Variants in ANO3 observed in about 807,000 individuals in gnomAD.
The protein encoded by ANO3 is anoctamin 3, also known as anoctamin-3.
In ANO3, 99 loss-of-function variants were observed where a neutral mutation model predicts 144.8. That is an observed-to-expected ratio of 0.68 (90% CI 0.58 to 0.81). The LOEUF is 0.81. Ranked by LOEUF, ANO3 falls within the 30% of genes least tolerant of loss-of-function variation. The pLI is 0.00. For missense variants in ANO3, 905 were observed against 1,202.2 expected, an observed-to-expected ratio of 0.75 and a Z score of 3.66; for synonymous variants, 414 against 392.6, an observed-to-expected ratio of 1.05 and a Z score of -0.64.
chr11:26,214,859 C>T (rs1173626803), intron 1 of ANO3, among the ~76,000 whole-genome samples: 1 of 151,868 alleles, frequency 6.6e-6, no homozygotes, highest in Non-Finnish European at 1.5e-5. Flanking sequence ...ATTCTCTTGG[C>T]CTTAACAGGT....
At chr11:26,281,900 A>T (rs939172678) in intron 1 of ANO3, among the ~76,000 whole-genome samples, 1 of 152,146 alleles carries the variant, frequency 6.6e-6, no homozygotes, top group African/African-American at 2.4e-5. Context: ...CCAACCCAGC[A>T]CATGTGCATA....
At chr11:26,250,524 C>A (rs1278331533) in intron 1 of ANO3, among the ~76,000 whole-genome samples, 1 of 152,034 alleles carries the variant, frequency 6.6e-6, no homozygotes, top group Non-Finnish European at 1.5e-5. Flanking sequence ...GTCAGTGAGC[C>A]GATTTTATGC....
Position 26,508,368 on chromosome 11 carries a change from A to T in ANO3, c.591+106A>T, listed in dbSNP as rs1052648401. ...TGTATCACATGACTTTATAAAATAC[A>T]TAGTTTTTTTCTAACAAATGTTAAA... On this transcript the variant is annotated intron_variant, in intron 5 of 26. Coordinates refer to ENST00000256737, the MANE Select transcript of ANO3 (RefSeq NM_031418.4). 1.4e-5 allele frequency: 14 copies of T among 1,033,510 alleles called. No individual in the cohort carries two copies. The African/African-American group carries it at 2.3e-4, about 17-fold the overall frequency. The allele number at this position is 1,033,510 out of a possible 1,614,324, so 64.0% of individuals were successfully genotyped here. A position where few individuals can be genotyped will look rare whatever the true frequency, so the allele number is the denominator to read the frequency against.
Position 26,615,410 on chromosome 11 carries a change from A to AT in ANO3, c.1837-9051dup, listed in dbSNP as rs1462717871. 8.0e-4 allele frequency among the ~76,000 whole-genome samples: 80 copies of AT among 99,840 alleles called. No individual in the cohort carries two copies. The East Asian group carries it at 0.011, about 14-fold the overall frequency. The allele number at this position is 99,840 out of a possible 152,430, so 65.5% of individuals were successfully genotyped here. On this transcript the variant is annotated intron_variant, in intron 17 of 26. Transcript: ENST00000256737. ...TCTGTCAGTTTATATATATATATAT[A>AT]TATATTTTTTTTTTTTCAGTTCCTC...
chr11:26,512,276 A>G (rs1283124322), intron 5 of ANO3, among the ~76,000 whole-genome samples: 14 of 152,176 alleles, frequency 9.2e-5, no homozygotes, highest in Admixed American at 9.2e-4. Flanking sequence ...CCTTCTCTCA[A>G]GAGTGAATCT....
At chr11:26,458,625 A>T (rs1859255788) in intron 3 of ANO3, among the ~76,000 whole-genome samples, 1 of 152,180 alleles carries the variant, frequency 6.6e-6, no homozygotes, top group East Asian at 1.9e-4. Flanking sequence ...GTACATTGCC[A>T]GTCTGCAAAG....
chr11:26,586,951 G>A (rs577963048), intron 14 of ANO3, among the ~76,000 whole-genome samples: 8 of 152,220 alleles, frequency 5.3e-5, no homozygotes, highest in South Asian at 2.1e-4. Context: ...TCATAGATTC[G>A]TAGAGTTTTT....
At chr11:26,405,952 T>C (rs1327228028) in intron 1 of ANO3, among the ~76,000 whole-genome samples, 3 of 151,876 alleles carry the variant, frequency 2.0e-5, no homozygotes, top group Admixed American at 2.0e-4. Context: ...CTAAGCATTG[T>C]GTTTCCAGTG....
In ANO3 at chr11:26,248,197, G is replaced by A. The variant is rs977985731; in HGVS notation, c.154+58867G>A. ...TACTAAAAATACAAAAATTAACCAG[G>A]TGTGGTGGCACATGCCTGCAGTTCC... On this transcript the variant is annotated intron_variant, in intron 1 of 27. Coordinates refer to the ANO3 transcript ENST00000672621. Among the ~76,000 whole-genome samples, 7 of 152,020 alleles carry A rather than the reference G, an allele frequency of 4.6e-5. No individual in the cohort carries two copies. In the South Asian group the frequency reaches 1.2e-3, roughly 27 times the overall value.
intron 1 of ANO3, among the ~76,000 whole-genome samples, chr11:26,253,318 C>T (rs1042966452): frequency 1.3e-5 from 2 of 152,056 alleles, no homozygotes; most frequent in Non-Finnish European, 2.9e-5. Context: ...AATCGAATAC[C>T]ACAGGTTATC....
chr11:26,658,194 A>G (rs1005867224), intron 26 of ANO3, among the ~76,000 whole-genome samples: 1 of 152,164 alleles, frequency 6.6e-6, no homozygotes, highest in Middle Eastern at 3.2e-3. Flanking sequence ...TCCACCATTT[A>G]TTGAAGAGAC....
At chr11:26,649,800 G>T (rs1338373030) in intron 24 of ANO3, among the ~76,000 whole-genome samples, 3 of 151,932 alleles carry the variant, frequency 2.0e-5, no homozygotes, top group African/African-American at 7.2e-5. Context: ...AAGATCTTAT[G>T]AACTCTAAAG....
At chr11:26,376,318 C>G (rs1287743244) in intron 1 of ANO3, among the ~76,000 whole-genome samples, 2 of 152,026 alleles carry the variant, frequency 1.3e-5, no homozygotes, top group South Asian at 4.1e-4. Flanking sequence ...CCCATTAATA[C>G]AAAATTGATT....
In ANO3 at chr11:26,599,607, G is replaced by T; in HGVS notation, c.1729G>T (p.Glu577Ter). ...TGTGGTGTACCGCCTGGTTGTCATGGAACAGTTTGCATCATTCAAGTGGAA... is the reference window on the plus strand; with the variant it reads ...TGTGGTGTACCGCCTGGTTGTCATGTAACAGTTTGCATCATTCAAGTGGAA... Reference protein sequence around the residue: ...GVVVYRLVVMEQFASFKWNFI... With the variant: ...GVVVYRLVVM The change falls in exon 17 of 27, where the codon GAA (glutamate) becomes TAA (stop). Residue 577 changes from glutamate to a stop codon, truncating the protein, a stop_gained. Coordinates refer to ENST00000256737, the MANE Select transcript of ANO3 (RefSeq NM_031418.4). LOFTEE classifies it high-confidence loss of function. The T allele has an allele frequency of 6.2e-7, 1 of 1,614,130 alleles. No homozygotes were observed. Among genetic ancestry groups the T allele is most frequent in the Non-Finnish European group, 8.5e-7 (1 of 1,180,006 alleles).
chr11:26,509,105 C>A (rs28653131), intron 5 of ANO3, among the ~76,000 whole-genome samples: 18,380 of 147,506 alleles, frequency 0.12, 1,206 homozygotes, highest in East Asian at 0.22. Flanking sequence ...CTCTCTCTCT[C>A]TATATATATA....
intron 1 of ANO3, among the ~76,000 whole-genome samples, chr11:26,410,827 T>C (rs1044001121): frequency 6.6e-6 from 1 of 151,982 alleles, no homozygotes. Flanking sequence ...AGGAATGACA[T>C]GCCATCCAGA....
intron 1 of ANO3, among the ~76,000 whole-genome samples, chr11:26,351,501 T>C (rs192463332): frequency 4.9e-4 from 74 of 152,316 alleles, no homozygotes; most frequent in Non-Finnish European, 8.2e-4. Context: ...TCTGTTTATT[T>C]AAAAAAGAAG....
intron 6 of ANO3, among the ~76,000 whole-genome samples, chr11:26,524,565 A>T (rs912432363): frequency 1.5e-4 from 23 of 152,206 alleles, no homozygotes; most frequent in African/African-American, 4.8e-4. Context: ...AATTTTAGTG[A>T]TGGGGATAAA....
intron 5 of ANO3, chr11:26,508,573 A>G: frequency 3.2e-6 from 1 of 315,684 alleles, no homozygotes; most frequent in Admixed American, 4.9e-5. Flanking sequence ...TTTTGAAAGA[A>G]AAGAATTTGC....
Sources: gnomAD v4.1 joint callset for allele counts (sites outside exome capture counted in the v4.1 genomes callset) on GRCh38, gnomAD v4.1.1 for gene constraint, MANE v1.5 for transcripts, NCBI Gene and HGNC (gene_info 2026-07-23, HGNC 2026-07-21) for gene names.